MGAT4A: variants seen among roughly 807,000 people sequenced by gnomAD.
MGAT4A encodes alpha-1,3-mannosyl-glycoprotein 4-beta-N-acetylglucosaminyltransferase A.
MGAT4A carries 33 observed loss-of-function variants against 74.1 expected under a neutral mutation model. The observed-to-expected ratio is 0.45, with a 90% CI of 0.34 to 0.60. The LOEUF is 0.60. MGAT4A is among the 20% of genes least tolerant of loss of function. The pLI is 0.02. For missense variants in MGAT4A, 479 were observed against 628.3 expected (o/e 0.76, Z 2.54); for synonymous variants, 198 against 210.4 (o/e 0.94, Z 0.51).
intron 4 of MGAT4A, 135 bp downstream of exon 4, chr2:98,674,900 A>T: frequency 1.3e-6 from 1 of 792,944 alleles, no homozygotes; most frequent in Non-Finnish European, 1.9e-6. Context: ...CATGGAGTTT[A>T]GAATGATCTG....
chr2:98,624,569 A>G lies in MGAT4A; in HGVS notation c.*997T>C. On this transcript the variant is annotated 3_prime_UTR_variant, in exon 16 of 16. Coordinates refer to ENST00000393487, the MANE Select transcript of MGAT4A (RefSeq NM_012214.3). ...TTATACCAATTATGACTCATACAAT[A>G]GCAACACCTAGAAAACATTTTGTCT... The G allele has an allele frequency of 1.0e-6, 1 of 984,238 alleles. No homozygotes were observed. Among genetic ancestry groups the G allele is most frequent in the Non-Finnish European group, 1.2e-6 (1 of 828,820 alleles). 61.0% of individuals were successfully genotyped at this position (984,238 alleles called of 1,614,324 possible). A position where few individuals can be genotyped will look rare whatever the true frequency, so the allele number is the denominator to read the frequency against.
chr2:98,703,266 A>G (rs896976781), intron 2 of MGAT4A, among the ~76,000 whole-genome samples: 1 of 152,210 alleles, frequency 6.6e-6, no homozygotes, highest in Non-Finnish European at 1.5e-5. Context: ...TTCACTAGAG[A>G]GGCTCAGCAG....
At chr2:98,722,525 A>C (rs1474828026) in intron 2 of MGAT4A, among the ~76,000 whole-genome samples, 2 of 152,180 alleles carry the variant, frequency 1.3e-5, no homozygotes, top group Non-Finnish European at 2.9e-5. Flanking sequence ...CCTAACCCCT[A>C]GGAGGGGAGG....
intron 5 of MGAT4A, among the ~76,000 whole-genome samples, chr2:98,660,414 A>ATG (rs1553537204): frequency 2.5e-5 from 3 of 119,888 alleles, no homozygotes; most frequent in East Asian, 2.4e-4. Flanking sequence ...ACACACACGC[A>ATG]CGCGCACACA....
At chr2:98,689,748 A>G (rs759997458) in intron 2 of MGAT4A, among the ~76,000 whole-genome samples, 4 of 152,174 alleles carry the variant, frequency 2.6e-5, no homozygotes, top group East Asian at 1.9e-4. Flanking sequence ...GCTTGAGCAT[A>G]GGAGGCAGAG....
At chr2:98,667,464 A>G (rs912912987) in intron 4 of MGAT4A, among the ~76,000 whole-genome samples, 1 of 152,182 alleles carries the variant, frequency 6.6e-6, no homozygotes, top group Non-Finnish European at 1.5e-5. Flanking sequence ...TGATATGGAC[A>G]ATGAAATCTA....
rs373728276 is a variant in MGAT4A at position 98,675,096 on chromosome 2, A to G, written c.342T>C (p.His114=). ...GAAGACTTCCTTCATTTTTCAATAAATGAGGCAAATGATAATAAATACTTG... is the reference window on the plus strand; with the variant it reads ...GAAGACTTCCTTCATTTTTCAATAAGTGAGGCAAATGATAATAAATACTTG... ...QVPSIYYHLP[H]LLKNEGSLQP... The change falls in exon 4 of 16, where the codon CAT becomes CAC. Residue 114 remains histidine, a synonymous_variant. Coordinates refer to ENST00000393487, the MANE Select transcript of MGAT4A (RefSeq NM_012214.3). The G allele has an allele frequency of 2.5e-6, 4 of 1,612,784 alleles. No homozygotes were observed. Among genetic ancestry groups the G allele is most frequent in the Non-Finnish European group, 3.4e-6 (4 of 1,179,480 alleles).
At chr2:98,640,651 ACAACTT>A (rs2104234910) in intron 10 of MGAT4A, among the ~76,000 whole-genome samples, 1 of 152,234 alleles carries the variant, frequency 6.6e-6, no homozygotes, top group East Asian at 1.9e-4. Context: ...TGAAAAGAAA[ACAACTT>A]CAAGTCATAA....
At chr2:98,683,838 G>T (rs1035894116) in intron 2 of MGAT4A, among the ~76,000 whole-genome samples, 1 of 152,154 alleles carries the variant, frequency 6.6e-6, no homozygotes, top group Non-Finnish European at 1.5e-5. Flanking sequence ...CTTAGAAAAA[G>T]TCCCTGGGGG....
At chr2:98,635,046 T>C (rs1214601426) in intron 14 of MGAT4A, among the ~76,000 whole-genome samples, 176 bp downstream of exon 14, 2 of 152,138 alleles carry the variant, frequency 1.3e-5, no homozygotes, top group Non-Finnish European at 2.9e-5. Context: ...CAATCTGTGA[T>C]ATGAAATCCT....
At position 98,692,344 on chromosome 2, in the gene MGAT4A, T is replaced by A. The variant is rs147708485; in HGVS notation, c.95-13873A>T. 4.7e-3 allele frequency among the ~76,000 whole-genome samples: 715 copies of A among 152,260 alleles called. 5 individuals are homozygous for A. The highest frequency in any genetic ancestry group is 0.016 in the African/African-American group (675 of 41,526). On this transcript the variant is annotated intron_variant, in intron 2 of 15. Coordinates refer to ENST00000393487, the MANE Select transcript of MGAT4A (RefSeq NM_012214.3). ...GTCTTGAACTCCTGGGCTCAAGTGA[T>A]CCTCCCGCCTCAGCCTCCCAAAGTG...
chr2:98,680,512 G>A (rs1284749505), intron 2 of MGAT4A, among the ~76,000 whole-genome samples: 3 of 152,060 alleles, frequency 2.0e-5, no homozygotes, highest in Non-Finnish European at 4.4e-5. Flanking sequence ...AGATTCCATA[G>A]CAGAAAAAAA....
At chr2:98,660,416 G>GCGCA (rs1701727957) in intron 5 of MGAT4A, among the ~76,000 whole-genome samples, 2 of 84,950 alleles carry the variant, frequency 2.4e-5, no homozygotes, top group East Asian at 2.9e-4. Context: ...ACACACGCAC[G>GCGCA]CGCACACACA....
At chr2:98,672,959 G>A (rs559289026) in intron 4 of MGAT4A, among the ~76,000 whole-genome samples, 7 of 152,028 alleles carry the variant, frequency 4.6e-5, no homozygotes, top group Non-Finnish European at 7.4e-5. Context: ...ATTTTCTTTA[G>A]TATTAAGTCA....
chr2:98,705,370 G>A lies in MGAT4A; in HGVS notation c.94+20869C>T, dbSNP rs75768830. Among the ~76,000 whole-genome samples, 14 of 152,218 alleles carry A rather than the reference G, an allele frequency of 9.2e-5. No homozygotes were observed. In the East Asian group the frequency reaches 1.5e-3, roughly 17 times the overall value. On this transcript the variant is annotated intron_variant, in intron 2 of 15. Coordinates refer to ENST00000393487, the MANE Select transcript of MGAT4A (RefSeq NM_012214.3). ...AAACGAGTTCAGCAGCAGCATTCAG[G>A]TTCCTTGTTCCACCTGATCATGGCC...
At chr2:98,706,270 G>T (rs1297161630) in intron 2 of MGAT4A, among the ~76,000 whole-genome samples, 1 of 152,122 alleles carries the variant, frequency 6.6e-6, no homozygotes. Context: ...ACTAGAGAAC[G>T]GAATGGTGTA....
At chr2:98,668,220 C>A (rs1423190488) in intron 4 of MGAT4A, among the ~76,000 whole-genome samples, 1 of 152,218 alleles carries the variant, frequency 6.6e-6, no homozygotes, top group East Asian at 1.9e-4. Flanking sequence ...CAACCCCTCC[C>A]ATCACAGGCC....
Position 98,658,249 on chromosome 2 carries a change from C to A in MGAT4A, c.553G>T (p.Val185Leu). 6.4e-7 allele frequency: 1 copy of A among 1,567,628 alleles called. No individual in the cohort carries two copies. ...VFIGETDIDY[V>L]HGVVANLEKE... ...TCCAGGTTGGCTACAACACCATGTACATAATCAATATCTGTCTGGGAAAGA... is the reference window on the plus strand; with the variant it reads ...TCCAGGTTGGCTACAACACCATGTAAATAATCAATATCTGTCTGGGAAAGA... Residue 185 changes from valine to leucine, a missense_variant, in exon 6 of 16, where the codon GTA (valine) becomes TTA (leucine). Coordinates refer to ENST00000393487, the MANE Select transcript of MGAT4A (RefSeq NM_012214.3).
chr2:98,667,060 G>T (rs951515808), intron 4 of MGAT4A, among the ~76,000 whole-genome samples: 1 of 152,134 alleles, frequency 6.6e-6, no homozygotes, highest in Non-Finnish European at 1.5e-5. Context: ...TACAAGATCT[G>T]ATGGTTTTAA....
Sources: gnomAD v4.1 joint callset for allele counts (sites outside exome capture counted in the v4.1 genomes callset) on GRCh38, gnomAD v4.1.1 for gene constraint, MANE v1.5 for transcripts, NCBI Gene and HGNC (gene_info 2026-07-23, HGNC 2026-07-21) for gene names.